The following KNSTRN variants were observed in gnomAD, a reference collection of about 807,000 sequenced individuals.
KNSTRN encodes the protein kinetochore localized astrin (SPAG5) binding protein.
Under a neutral mutation model 44.7 loss-of-function variants are expected in KNSTRN, and 38 were observed. The observed-to-expected ratio is 0.85, with a 90% CI of 0.66 to 1.11. The LOEUF (loss-of-function observed/expected upper bound fraction) is 1.11. KNSTRN is among the 50% of genes most tolerant of loss of function. The pLI, the probability that KNSTRN is intolerant of heterozygous loss-of-function variation, is 0.00. For missense variants in KNSTRN, 406 were observed against 375.8 expected (o/e 1.08, Z -0.66); for synonymous variants, 158 against 148.1 (o/e 1.07, Z -0.48).
rs781118237 is a variant in KNSTRN, at chr15:40,383,213, T to G, written c.210-15T>G. 6.2e-7 allele frequency: 1 copy of G among 1,612,396 alleles called. No individual in the cohort carries two copies. On this transcript the variant is annotated splice_polypyrimidine_tract_variant and intron_variant, in intron 1 of 8. Transcript: ENST00000249776. The stretch of plus-strand genomic sequence containing the variant: ...GTGGCCCAGCGCTGGGTAACATTCA[T>G]CCTGTACCTTCCAGGGTTCAGCCGT...
At chr15:40,390,439 C>T (rs531555093) in intron 6 of KNSTRN, among the ~76,000 whole-genome samples, 25 of 152,272 alleles carry the variant, frequency 1.6e-4, no homozygotes, top group African/African-American at 5.1e-4. Flanking sequence ...CCCTGTCCCC[C>T]AGAAAGCAGT....
rs1203286924 is a variant in KNSTRN at position 40,383,289 on chromosome 15, C to T, written c.271C>T (p.Pro91Ser). ...GGTTAAGACAGTGTATAGCCTGCAG[C>T]CCCCCTCTGCGCTGAGCGGCGGCCA... ...SVVKTVYSLQ[P>S]PSALSGGQPA... is the part of the protein sequence containing the mutation. Residue 91 changes from proline to serine, a missense_variant, in exon 2 of 9, where the codon CCC (proline) becomes TCC (serine). By Grantham distance (74) the Pro-to-Ser change is moderately conservative (BLOSUM62 -1). Transcript: ENST00000249776. 7 of 1,613,702 alleles carry T rather than the reference C, an allele frequency of 4.3e-6. No individual in the cohort carries two copies. The highest frequency in any genetic ancestry group is 2.2e-5 in the East Asian group (1 of 44,864).
At position 40,383,641 on chromosome 15, in the gene KNSTRN, C is replaced by T. The variant is rs76798062; in HGVS notation, c.304+319C>T. 9.1e-3 allele frequency among the ~76,000 whole-genome samples: 1,384 copies of T among 152,290 alleles called. 15 individuals are homozygous for T. The highest frequency in any genetic ancestry group is 0.032 in the African/African-American group (1,325 of 41,574). On this transcript the variant is annotated intron_variant, in intron 2 of 8. Coordinates refer to ENST00000249776, the MANE Select transcript of KNSTRN (RefSeq NM_033286.4). ...TTCTAATCGGTTATCGTCTTATTTC[C>T]AGACTTGGGCTATCTTGAGGGATTG...
rs373439238 is a variant in KNSTRN at position 40,386,549 on chromosome 15, A to G, written c.437+55A>G. The G allele has an allele frequency of 5.9e-5, 94 of 1,584,808 alleles. No homozygotes were observed. The African/African-American group carries it at 1.2e-3, about 20-fold the overall frequency. On this transcript the variant is annotated intron_variant, in intron 3 of 8. Coordinates refer to ENST00000249776, the MANE Select transcript of KNSTRN (RefSeq NM_033286.4). ...AACATCTTCCTAGAAATTGCTCAAT[A>G]CAAAGAATTAGAAAACAGAGTTTTG...
At chr15:40,387,744 A>G in intron 4 of KNSTRN, among the ~76,000 whole-genome samples, 1 of 152,244 alleles carries the variant, frequency 6.6e-6, no homozygotes, top group South Asian at 2.1e-4. Context: ...ACACCAGCTC[A>G]CACCTGTAAT....
rs769901593 is a variant in KNSTRN, at chr15:40,389,834, A to T, written c.592-2A>T. On this transcript the variant is annotated splice_acceptor_variant, in intron 5 of 8. Coordinates refer to ENST00000249776, the MANE Select transcript of KNSTRN (RefSeq NM_033286.4). LOFTEE classifies it high-confidence loss of function. Reference sequence around the variant, plus strand: ...TGATCTGTCTGTGCTGTGCTCCAATAGGGAGAGCTGAAGGACCTGACCCAG... The same window carrying T: ...TGATCTGTCTGTGCTGTGCTCCAATTGGGAGAGCTGAAGGACCTGACCCAG... 2 of 1,613,814 alleles carry T rather than the reference A, an allele frequency of 1.2e-6. No individual in the cohort carries two copies. The highest frequency in any genetic ancestry group is 1.7e-6 in the Non-Finnish European group (2 of 1,179,662).
intron 4 of KNSTRN, among the ~76,000 whole-genome samples, chr15:40,388,873 T>G (rs1889947865): frequency 6.6e-6 from 1 of 152,164 alleles, no homozygotes; most frequent in African/African-American, 2.4e-5. Context: ...TGGCCAGATT[T>G]GGGGGGCCTG....
At chr15:40,391,449 G>A in intron 6 of KNSTRN, 44 bp from the exon 7 acceptor site, 2 of 1,488,854 alleles carry the variant, frequency 1.3e-6, no homozygotes, top group Non-Finnish European at 1.9e-6. Flanking sequence ...TTTGTTTAGG[G>A]TGTGTAGTTC....
intron 8 of KNSTRN, among the ~76,000 whole-genome samples, chr15:40,392,476 GCCAGGAGTTTGAGA>G (rs1368180484): frequency 6.6e-6 from 1 of 152,194 alleles, no homozygotes; most frequent in Non-Finnish European, 1.5e-5. Flanking sequence ...ATTACTTGAA[GCCAGGAGTTTGAGA>G]CCAGCCTGGG....
In KNSTRN at chr15:40,383,010, GAGA is replaced by G. The variant is rs1889838047; in HGVS notation, c.178_180del (p.Lys60del). ...TGCAGGGAATCTTTTAAACGAGAGC[GAGA>G]AGGACTGCGGGCAGGACCGGCGGGC... On this transcript the variant is annotated inframe_deletion, in exon 1 of 9. Transcript: ENST00000249776. 8.1e-6 allele frequency: 13 copies of G among 1,611,720 alleles called. No homozygotes were observed. The highest frequency in any genetic ancestry group is 2.2e-5 in the East Asian group (1 of 44,888).
intron 6 of KNSTRN, 86 bp downstream of exon 6, chr15:40,390,015 C>A: frequency 9.5e-7 from 1 of 1,053,160 alleles, no homozygotes; most frequent in Non-Finnish European, 1.5e-6. Context: ...ATGGCATCAG[C>A]TGGCCCAGTA....
At chr15:40,384,329 G>C (rs1229660421) in intron 2 of KNSTRN, 24 of 357,760 alleles carry the variant, frequency 6.7e-5, no homozygotes, top group Admixed American at 2.0e-4. Flanking sequence ...AGCCGATATT[G>C]CGCCACTGCA....
At chr15:40,393,103 A>G in intron 8 of KNSTRN, 1 of 1,367,644 alleles carries the variant, frequency 7.3e-7, no homozygotes, top group Non-Finnish European at 1.0e-6. Context: ...TTGGGAATTG[A>G]GAACTATATG....
At chr15:40,389,693 C>A in intron 5 of KNSTRN, 82 bp downstream of exon 5, 3 of 1,306,130 alleles carry the variant, frequency 2.3e-6, no homozygotes, top group Non-Finnish European at 3.3e-6. Context: ...CTTGGATGAG[C>A]AAGCTTGTTA....
intron 2 of KNSTRN, among the ~76,000 whole-genome samples, chr15:40,385,813 T>G (rs914723546): frequency 3.9e-5 from 6 of 152,224 alleles, no homozygotes; most frequent in African/African-American, 1.2e-4. Flanking sequence ...TTTTACAGCC[T>G]ACACCTTTCA....
chr15:40,384,340 C>G (rs1365000097), intron 2 of KNSTRN: 5 of 391,922 alleles, frequency 1.3e-5, no homozygotes, highest in Admixed American at 5.7e-5. Context: ...CGCCACTGCA[C>G]TCCAGCCTGG....
chr15:40,390,602 T>G (rs1255114014), intron 6 of KNSTRN, among the ~76,000 whole-genome samples: 4 of 152,098 alleles, frequency 2.6e-5, no homozygotes, highest in Admixed American at 1.3e-4. Flanking sequence ...AATCTTTAGG[T>G]TACAGTTGAG....
At chr15:40,383,137 CG>C in intron 1 of KNSTRN, 90 bp from the exon 2 acceptor site, 1 of 1,579,820 alleles carries the variant, frequency 6.3e-7, no homozygotes, top group Non-Finnish European at 8.7e-7. Flanking sequence ...AACCCCGAGC[CG>C]GGGCCTGTCG....
At position 40,391,500 on chromosome 15, in the gene KNSTRN, C is replaced by A; in HGVS notation, c.693C>A (p.Gly231=). 1 of 1,613,586 alleles carries A rather than the reference C, an allele frequency of 6.2e-7. No individual in the cohort carries two copies. The highest frequency in any genetic ancestry group is 1.1e-5 in the South Asian group (1 of 91,058). Residue 231 remains glycine, a synonymous_variant, in exon 7 of 9, where the codon GGC becomes GGA. Coordinates refer to ENST00000249776, the MANE Select transcript of KNSTRN (RefSeq NM_033286.4). ...LESKGLDPAL[G]SETLASRQES... ...CTTTGTTGTATCCATCAGCTTTAGG[C>A]AGTGAGACCCTGGCATCACGACAAG...
Sources: allele counts gnomAD v4.1 joint callset (sites outside exome capture counted in the v4.1 genomes callset), GRCh38; gene constraint gnomAD v4.1.1; transcripts MANE v1.5; gene names NCBI Gene and HGNC (gene_info 2026-07-23, HGNC 2026-07-21).